CTSD: variants seen among roughly 807,000 people sequenced by gnomAD.
CTSD encodes ceroid-lipofuscinosis, neuronal 10.
Under a neutral mutation model 43.6 loss-of-function variants are expected in CTSD, and 28 were observed. That is an observed-to-expected ratio of 0.64 (90% CI 0.48 to 0.88). The LOEUF is 0.88. Ranked by LOEUF, CTSD falls within the 40% of genes least tolerant of loss-of-function variation. The pLI, the probability that CTSD is intolerant of heterozygous loss-of-function variation, is 0.00. For synonymous variants in CTSD, 270 were observed against 249.8 expected (o/e 1.08, Z -0.76); for missense variants, 485 against 555.2 (o/e 0.87, Z 1.27).
chr11:1,763,851 G>A lies in CTSD; in HGVS notation c.9C>T (p.Pro3=), dbSNP rs1396381574. ...AGAGGGCGAGCGGCAGAAGGCTGGA[G>A]GGCTGCATGGCGGCGGCGGCCGGGT... MQ[P]SSLLPLALCL... Residue 3 remains proline, a synonymous_variant, in exon 1 of 9, where the codon CCC becomes CCT. Coordinates refer to ENST00000236671, the MANE Select transcript of CTSD (RefSeq NM_001909.5). 6.6e-7 allele frequency: 1 copy of A among 1,525,140 alleles called. No individual in the cohort carries two copies. The highest frequency in any genetic ancestry group is 1.2e-5 in the South Asian group (1 of 82,500). 94.5% of individuals were successfully genotyped at this position (1,525,140 alleles called of 1,614,324 possible). A position where few individuals can be genotyped will look rare whatever the true frequency, so the allele number is the denominator to read the frequency against.
At chr11:1,763,201 G>C (rs1390175447) in intron 1 of CTSD, 1 of 152,792 alleles carries the variant, frequency 6.5e-6, no homozygotes, top group Non-Finnish European at 1.5e-5. Context: ...CCTCACTACA[G>C]CACAACCCCA....
intron 1 of CTSD, 84 bp from the exon 2 acceptor site, chr11:1,761,552 C>T (rs1389279827): frequency 6.8e-7 from 1 of 1,479,152 alleles, no homozygotes; most frequent in Non-Finnish European, 9.3e-7. Context: ...CACCTGGAGG[C>T]CCCTGGGGAA....
chr11:1,753,732 C>T (rs1004721354), intron 8 of CTSD, 62 bp from the exon 9 acceptor site: 44 of 1,608,634 alleles, frequency 2.7e-5, no homozygotes, highest in Middle Eastern at 3.3e-4. Context: ...ACCTGTTGCC[C>T]GCTCACCTGG....
intron 2 of CTSD, 136 bp from the exon 3 acceptor site, chr11:1,759,775 G>C: frequency 1.1e-6 from 1 of 936,816 alleles, no homozygotes; most frequent in Non-Finnish European, 1.6e-6. Context: ...GCTGCCAACA[G>C]CCACCCACTC....
At chr11:1,753,754 C>T (rs1257672229) in intron 8 of CTSD, 49 bp downstream of exon 8, 1 of 1,608,944 alleles carries the variant, frequency 6.2e-7, no homozygotes, top group Non-Finnish European at 8.5e-7. Context: ...GCGTGCGCCC[C>T]CTCACCGCCC....
chr11:1,753,466 CCT>C lies in CTSD; in HGVS notation c.*35_*36del, dbSNP rs1845752756. On this transcript the variant is annotated 3_prime_UTR_variant, in exon 9 of 9. Coordinates refer to ENST00000236671, the MANE Select transcript of CTSD (RefSeq NM_001909.5). Reference sequence around the variant, plus strand: ...CAGGGGCCTCCTGCTCTGGGACTCTCCTCTGTTTCTGTGCTGGCGCGCGGACG... The same window carrying C: ...CAGGGGCCTCCTGCTCTGGGACTCTCCTGTTTCTGTGCTGGCGCGCGGACG... 1 of 1,612,330 alleles carries C rather than the reference CCT, an allele frequency of 6.2e-7. No homozygotes were observed. The highest frequency in any genetic ancestry group is 8.5e-7 in the Non-Finnish European group (1 of 1,179,470).
At chr11:1,755,078 G>C (rs913716558) in intron 5 of CTSD, 50 bp from the exon 6 acceptor site, 1 of 1,611,726 alleles carries the variant, frequency 6.2e-7, no homozygotes. Flanking sequence ...CCAAGCACAA[G>C]AGTGCCAGGT....
chr11:1,761,893 G>T, intron 1 of CTSD: 1 of 302,508 alleles, frequency 3.3e-6, no homozygotes, highest in Non-Finnish European at 6.6e-6. Context: ...CCTGCCCAAA[G>T]TGCTCTGAGG....
In CTSD at chr11:1,753,326, G is replaced by A. The variant is rs988603708; in HGVS notation, c.*177C>T. On this transcript the variant is annotated 3_prime_UTR_variant, in exon 9 of 9. Coordinates refer to ENST00000236671, the MANE Select transcript of CTSD (RefSeq NM_001909.5). ...CAGGCAGGCAGCATTTCTGAACCCA[G>A]GGAGGGGAAAACCACAGAACAAAAC... The A allele has an allele frequency of 4.2e-6, 3 of 711,214 alleles. No individual in the cohort carries two copies. The highest frequency in any genetic ancestry group is 7.4e-6 in the Non-Finnish European group (3 of 405,976). 44.1% of individuals were successfully genotyped at this position (711,214 alleles called of 1,614,324 possible). A position where few individuals can be genotyped will look rare whatever the true frequency, so the allele number is the denominator to read the frequency against.
intron 4 of CTSD, 51 bp downstream of exon 4, chr11:1,758,918 C>A: frequency 1.5e-6 from 2 of 1,323,674 alleles, no homozygotes; most frequent in South Asian, 1.2e-5. Flanking sequence ...GGTGGGTGAA[C>A]CCCACACCCT....
chr11:1,759,598 C>A lies in CTSD; in HGVS notation c.270G>T (p.Gln90His). ...CCGTGTCGAAGACGACTGTGAAGCA[C>A]TGGGGGGGCGTCCCGATGCCAATCT... is the stretch of plus-strand genomic sequence containing the variant. ...YGEIGIGTPPQCFTVVFDTGS... is the reference protein window; with the variant it reads ...YGEIGIGTPPHCFTVVFDTGS... The change falls in exon 3 of 9, where the codon CAG (glutamine) becomes CAT (histidine). Residue 90 changes from glutamine to histidine, a missense_variant. Gln to His is a conservative substitution (Grantham distance 24, BLOSUM62 0). Transcript: ENST00000236671. 1 of 1,613,490 alleles carries A rather than the reference C, an allele frequency of 6.2e-7. No individual in the cohort carries two copies. Among genetic ancestry groups the A allele is most frequent in the Non-Finnish European group, 8.5e-7 (1 of 1,179,968 alleles).
Position 1,754,147 on chromosome 11 carries a change from A to C in CTSD, c.828-9T>G. On this transcript the variant is annotated splice_polypyrimidine_tract_variant and intron_variant, in intron 6 of 8. Coordinates refer to ENST00000236671, the MANE Select transcript of CTSD (RefSeq NM_001909.5). ...CGCTGGCCACCTCCACCCTGCGGGGAGTCAGGGCGTGAAGCCCCTGCCGGG... is the reference window on the plus strand; with the variant it reads ...CGCTGGCCACCTCCACCCTGCGGGGCGTCAGGGCGTGAAGCCCCTGCCGGG... The C allele has an allele frequency of 1.2e-6, 2 of 1,606,988 alleles. No individual in the cohort carries two copies. Among genetic ancestry groups the C allele is most frequent in the Non-Finnish European group, 1.7e-6 (2 of 1,179,236 alleles).
intron 6 of CTSD, among the ~76,000 whole-genome samples, chr11:1,754,575 A>AGGGATGGACAGAAGGGATGGT (rs1845784216): frequency 1.3e-5 from 1 of 78,852 alleles, no homozygotes; most frequent in Non-Finnish European, 2.6e-5. Flanking sequence ...GAGGAGATGG[A>AGGGATGGACAGAAGGGATGGT]GGGTCATGAA....
intron 5 of CTSD, 31 bp downstream of exon 5, chr11:1,757,293 A>T: frequency 6.3e-7 from 1 of 1,577,322 alleles, no homozygotes; most frequent in Admixed American, 1.7e-5. Context: ...CCTCCCAGCA[A>T]CGCGGAGCGA....
chr11:1,754,509 G>A (rs187396611), intron 6 of CTSD, among the ~76,000 whole-genome samples: 112 of 107,518 alleles, frequency 1.0e-3, no homozygotes, highest in Non-Finnish European at 2.0e-3. Context: ...TGGGGATGGA[G>A]GGATGGAGGG....
At position 1,753,572 on chromosome 11, in the gene CTSD, G is replaced by C. The variant is rs370985523; in HGVS notation, c.1170C>G (p.Ile390Met). ...GPLWILGDVF[I>M]GRYYTVFDRD... ...GGTCAAACACAGTGTAGTAGCGGCCGATGAAGACGTCGCCCAGGATCCAGA... is the reference window on the plus strand; with the variant it reads ...GGTCAAACACAGTGTAGTAGCGGCCCATGAAGACGTCGCCCAGGATCCAGA... Residue 390 changes from isoleucine (I) to methionine (M), a missense_variant, in exon 9 of 9, where the codon ATC (isoleucine) becomes ATG (methionine). Physicochemically the swap from Ile to Met is conservative, Grantham distance 10. Transcript: ENST00000236671. The C allele has an allele frequency of 1.2e-6, 2 of 1,613,104 alleles. No homozygotes were observed. Among genetic ancestry groups the C allele is most frequent in the Non-Finnish European group, 1.7e-6 (2 of 1,179,932 alleles).
chr11:1,755,795 C>T (rs546503443), intron 5 of CTSD, among the ~76,000 whole-genome samples: 2 of 152,278 alleles, frequency 1.3e-5, no homozygotes, highest in South Asian at 4.1e-4. Context: ...ACCCAGTCCT[C>T]CCAACACCGA....
At chr11:1,756,019 C>T (rs1845804869) in intron 5 of CTSD, among the ~76,000 whole-genome samples, 1 of 152,278 alleles carries the variant, frequency 6.6e-6, no homozygotes, top group Non-Finnish European at 1.5e-5. Flanking sequence ...ACCATGTGCA[C>T]CTCCCCCACC....
Position 1,753,281 on chromosome 11 carries a change from C to G in CTSD, c.*222G>C. 2 of 622,520 alleles carry G rather than the reference C, an allele frequency of 3.2e-6. No individual in the cohort carries two copies. Among genetic ancestry groups the G allele is most frequent in the East Asian group, 5.6e-5 (2 of 35,900 alleles). The allele number at this position is 622,520 out of a possible 1,614,324, so 38.6% of individuals were successfully genotyped here. A position where few individuals can be genotyped will look rare whatever the true frequency, so the allele number is the denominator to read the frequency against. ...TGCTCTGGATCAGCTCTACCCCCAC[C>G]AAACAGATGGAGAGACAGACAGGCA... On this transcript the variant is annotated 3_prime_UTR_variant, in exon 9 of 9. Transcript: ENST00000236671.
Sources: allele counts gnomAD v4.1 joint callset (sites outside exome capture counted in the v4.1 genomes callset), GRCh38; gene constraint gnomAD v4.1.1; transcripts MANE v1.5; gene names NCBI Gene and HGNC (gene_info 2026-07-23, HGNC 2026-07-21).